MGST1: variants seen among roughly 807,000 people sequenced by gnomAD.
MGST1 encodes glutathione S-transferase 12.
A neutral mutation model predicts 8.9 loss-of-function variants in MGST1; 5 were observed. That is an observed-to-expected ratio of 0.56 (90% CI 0.29 to 1.19). The LOEUF (loss-of-function observed/expected upper bound fraction) is 1.19. Among genes scored for constraint, MGST1 ranks in the 50% most tolerant of loss-of-function variants. The probability of loss-of-function intolerance (pLI) is 0.08; values close to 1 mark genes in which losing one functional copy is unlikely to be tolerated. For synonymous variants in MGST1, 54 were observed against 67.8 expected (o/e 0.80, Z 1.00); for missense variants, 182 against 187.4 (o/e 0.97, Z 0.17).
At chr12:16,354,520 C>T in intron 2 of MGST1, 142 bp downstream of exon 2, 1 of 714,908 alleles carries the variant, frequency 1.4e-6, no homozygotes, top group Non-Finnish European at 2.2e-6. Context: ...CATCGTTTGG[C>T]ACAGATGGAT....
Position 16,544,384 on chromosome 12 carries a change from A to G in MGST1, n.483-45144A>G, listed in dbSNP as rs1941810854. ...AATGCATACAAAAGAGTTGTCATAC[A>G]AAAGAGAAAAAGCCAAATATGATAT... On this transcript the variant is annotated intron_variant and non_coding_transcript_variant, in intron 4 of 4. Transcript: ENST00000538857. The surrounding 1 kb of genome is among the most constrained non-coding windows in gnomAD (Gnocchi z 4.8). 6.6e-6 allele frequency among the ~76,000 whole-genome samples: 1 copy of G among 152,076 alleles called. No homozygotes were observed.
intron 1 of MGST1, among the ~76,000 whole-genome samples, chr12:16,395,131 A>G (rs1301295465): frequency 1.3e-5 from 2 of 151,956 alleles, no homozygotes; most frequent in Non-Finnish European, 2.9e-5. Context: ...CAATATTTAC[A>G]TTAATTTCTA....
chr12:16,557,209 A>G (rs1392056583), intron 4 of MGST1, among the ~76,000 whole-genome samples: 2 of 152,152 alleles, frequency 1.3e-5, no homozygotes, highest in Non-Finnish European at 2.9e-5. Context: ...TAGAACATGG[A>G]TAAAATAGGT....
chr12:16,511,307 CTAATG>C (rs1405860504), intron 4 of MGST1, among the ~76,000 whole-genome samples: 1 of 152,200 alleles, frequency 6.6e-6, no homozygotes, highest in East Asian at 1.9e-4. Flanking sequence ...CCCTGTGGGG[CTAATG>C]CCCATGACTT....
In MGST1 at chr12:16,546,570, A is replaced by G. The variant is rs1395873183; in HGVS notation, n.483-42958A>G. On this transcript the variant is annotated intron_variant and non_coding_transcript_variant, in intron 4 of 4. Transcript: ENST00000538857. This position sits in a 1 kb window ranked among gnomAD's most constrained non-coding sequence, Gnocchi z 4.7. ...CAAAACAGGAGTATCTTTGAATTTA[A>G]CATATTTTCCTTTTCAGAAAACAGA... Among the ~76,000 whole-genome samples, 6 of 152,178 alleles carry G rather than the reference A, an allele frequency of 3.9e-5. No individual in the cohort carries two copies. The highest frequency in any genetic ancestry group is 9.6e-5 in the African/African-American group (4 of 41,460).
intron 1 of MGST1, among the ~76,000 whole-genome samples, chr12:16,411,912 C>T (rs1031234195): frequency 7.2e-5 from 11 of 151,990 alleles, no homozygotes; most frequent in African/African-American, 1.7e-4. Context: ...TCTCTACACC[C>T]GAGGTGACTT....
chr12:16,350,036 G>A (rs1184060620), intron 1 of MGST1, among the ~76,000 whole-genome samples: 1 of 152,262 alleles, frequency 6.6e-6, no homozygotes, highest in African/African-American at 2.4e-5. Flanking sequence ...GAGCCACCGC[G>A]CTCGGCCCCC....
At chr12:16,472,090 T>C (rs1040769189) in intron 4 of MGST1, among the ~76,000 whole-genome samples, 2 of 152,174 alleles carry the variant, frequency 1.3e-5, no homozygotes, top group African/African-American at 4.8e-5. Context: ...CCTAGGCAAA[T>C]ATAAACTGTC....
intron 4 of MGST1, chr12:16,551,177 A>C: frequency 2.4e-6 from 3 of 1,228,072 alleles, no homozygotes; most frequent in Non-Finnish European, 3.6e-6. Context: ...AAAAAAGATA[A>C]AAGAATGTAG....
chr12:16,542,835 C>T (rs944111476), intron 4 of MGST1, among the ~76,000 whole-genome samples: 6 of 152,300 alleles, frequency 3.9e-5, no homozygotes, highest in South Asian at 4.1e-4. Context: ...ATGGCTTTCT[C>T]TCTGTCAGAT....
At chr12:16,494,206 T>C (rs550548726) in intron 4 of MGST1, among the ~76,000 whole-genome samples, 48 of 152,292 alleles carry the variant, frequency 3.2e-4, no homozygotes, top group African/African-American at 1.1e-3. Context: ...AAAACCACTG[T>C]CCTTCACATG....
chr12:16,458,727 G>A lies in MGST1; in HGVS notation n.482+75123G>A, dbSNP rs1032106011. On this transcript the variant is annotated intron_variant and non_coding_transcript_variant, in intron 4 of 4. Transcript: ENST00000538857. The surrounding 1 kb of genome is among the most constrained non-coding windows in gnomAD (Gnocchi z 4.0). ...TCATATCATCATTTTACTGTAAACA[G>A]AGGTTTCATATGACTGGAATTGCAG... Among the ~76,000 whole-genome samples the A allele has an allele frequency of 6.6e-6, 1 of 152,010 alleles. No homozygotes were observed. Among genetic ancestry groups the A allele is most frequent in the African/African-American group, 2.4e-5 (1 of 41,424 alleles).
At chr12:16,495,652 G>A (rs1395841555) in intron 4 of MGST1, among the ~76,000 whole-genome samples, 3 of 151,458 alleles carry the variant, frequency 2.0e-5, no homozygotes, top group Non-Finnish European at 4.4e-5. Flanking sequence ...GATCTAGTAA[G>A]TGTACTTACT....
chr12:16,540,817 T>C (rs1941788812), intron 4 of MGST1, among the ~76,000 whole-genome samples: 1 of 151,882 alleles, frequency 6.6e-6, no homozygotes. Context: ...TGTAACCCCA[T>C]GAGAATTGCT....
At chr12:16,522,622 G>C (rs569064761) in intron 4 of MGST1, among the ~76,000 whole-genome samples, 152 of 152,076 alleles carry the variant, frequency 1.0e-3, no homozygotes, top group Admixed American at 1.7e-3. Context: ...CTAGATGTGC[G>C]AACACCTTAT....
At chr12:16,534,839 G>A (rs1229963892) in intron 4 of MGST1, among the ~76,000 whole-genome samples, 3 of 152,134 alleles carry the variant, frequency 2.0e-5, no homozygotes, top group African/African-American at 7.2e-5. Context: ...GTACCATCCA[G>A]CATTGATCTA....
At chr12:16,353,207 G>C (rs1486054287) in intron 1 of MGST1, among the ~76,000 whole-genome samples, 3 of 151,788 alleles carry the variant, frequency 2.0e-5, no homozygotes, top group African/African-American at 7.3e-5. Context: ...CTAATTTTTT[G>C]TATTTTTAGT....
chr12:16,497,427 G>T lies in MGST1; in HGVS notation n.483-92101G>T, dbSNP rs977729028. Among the ~76,000 whole-genome samples, 2 of 152,164 alleles carry T rather than the reference G, an allele frequency of 1.3e-5. No individual in the cohort carries two copies. The highest frequency in any genetic ancestry group is 4.8e-5 in the African/African-American group (2 of 41,460). On this transcript the variant is annotated intron_variant and non_coding_transcript_variant, in intron 4 of 4. Transcript: ENST00000538857. The surrounding 1 kb of genome is among the most constrained non-coding windows in gnomAD (Gnocchi z 4.4). ...TTAAAGCAATGATCTGAAATCTAGA[G>T]AGAAGAGTGGAATGAAGACTGCACA...
rs182931965 is a variant in MGST1 at position 16,465,168 on chromosome 12, A to G, written n.482+81564A>G. ...GTGGTGGTATGGTTTGTGCTTGTAC[A>G]GGGAAGAAGAACTCTACTGACTTGT... On this transcript the variant is annotated intron_variant and non_coding_transcript_variant, in intron 4 of 4. Transcript: ENST00000538857. Among the ~76,000 whole-genome samples the G allele has an allele frequency of 2.8e-4, 43 of 152,346 alleles. No individual in the cohort carries two copies. In the East Asian group the frequency reaches 7.9e-3, roughly 28 times the overall value.
Sources: allele counts gnomAD v4.1 joint callset (sites outside exome capture counted in the v4.1 genomes callset), GRCh38; gene constraint gnomAD v4.1.1; non-coding constraint Gnocchi (gnomAD v3.1); transcripts MANE v1.5; gene names NCBI Gene and HGNC (gene_info 2026-07-23, HGNC 2026-07-21).